The following CNTN3 variants were observed in gnomAD, a reference collection of about 807,000 sequenced individuals.
CNTN3 encodes the protein contactin 3.
A neutral mutation model predicts 119.1 loss-of-function variants in CNTN3; 60 were observed. That is an observed-to-expected ratio of 0.50 (90% CI 0.41 to 0.62). CNTN3 has a LOEUF of 0.62. Ranked by LOEUF, CNTN3 falls within the 20% of genes least tolerant of loss-of-function variation. CNTN3 has a pLI of 0.00. For synonymous variants in CNTN3, 450 were observed against 438.7 expected, an observed-to-expected ratio of 1.03 and a Z score of -0.32; for missense variants, 1,101 against 1,242.4, an observed-to-expected ratio of 0.89 and a Z score of 1.71.
intron 3 of CNTN3, among the ~76,000 whole-genome samples, chr3:74,497,298 T>C (rs1451479710): frequency 6.6e-6 from 1 of 151,904 alleles, no homozygotes; most frequent in Admixed American, 6.6e-5. Flanking sequence ...ATGTGAAATA[T>C]TGCCTAGCTG....
intron 20 of CNTN3, among the ~76,000 whole-genome samples, chr3:74,282,981 G>A (rs181999091): frequency 1.3e-5 from 2 of 152,170 alleles, no homozygotes; most frequent in East Asian, 1.9e-4. Context: ...TTGAATAATA[G>A]CAGAACATTG....
chr3:74,370,078 C>A, intron 6 of CNTN3, 87 bp from the exon 7 acceptor site: 1 of 702,320 alleles, frequency 1.4e-6, no homozygotes. Context: ...CTTTTGCTCC[C>A]ATTTTGAACC....
chr3:74,600,337 C>T (rs1184163793), intron 1 of CNTN3, among the ~76,000 whole-genome samples: 4 of 152,050 alleles, frequency 2.6e-5, no homozygotes, highest in African/African-American at 9.7e-5. Flanking sequence ...AGTTCACTCA[C>T]AATCACTACG....
chr3:74,520,757 C>T (rs557285882), intron 2 of CNTN3, among the ~76,000 whole-genome samples: 1 of 151,284 alleles, frequency 6.6e-6, no homozygotes, highest in Non-Finnish European at 1.5e-5. Context: ...AAAAAAATGT[C>T]ACAAATTAAC....
intron 11 of CNTN3, among the ~76,000 whole-genome samples, chr3:74,345,056 G>A (rs1292996380): frequency 6.6e-6 from 1 of 152,118 alleles, no homozygotes; most frequent in Non-Finnish European, 1.5e-5. Context: ...TTCTAGAAGT[G>A]CTTCATTGAC....
chr3:74,541,263 T>A (rs2107147496), intron 1 of CNTN3, among the ~76,000 whole-genome samples: 1 of 152,302 alleles, frequency 6.6e-6, no homozygotes. Flanking sequence ...TGAGAGAAAC[T>A]CTTGCCCTTT....
intron 19 of CNTN3, among the ~76,000 whole-genome samples, chr3:74,294,886 A>G (rs1702307112): frequency 6.6e-6 from 1 of 152,182 alleles, no homozygotes. Flanking sequence ...GGCCCACGTG[A>G]TACGTGATTT....
chr3:74,495,631 G>A (rs1049611525), intron 3 of CNTN3, among the ~76,000 whole-genome samples: 10 of 151,828 alleles, frequency 6.6e-5, no homozygotes, highest in African/African-American at 2.4e-4. Context: ...GCAGAATTTA[G>A]CACATTATTT....
chr3:74,305,906 CA>C (rs1186007154), intron 13 of CNTN3, among the ~76,000 whole-genome samples: 2 of 151,668 alleles, frequency 1.3e-5, no homozygotes, highest in African/African-American at 4.8e-5. Flanking sequence ...CCTAAATGCT[CA>C]GCTTTCAATA....
intron 4 of CNTN3, among the ~76,000 whole-genome samples, chr3:74,456,484 T>C (rs922669459): frequency 8.5e-5 from 13 of 152,066 alleles, no homozygotes; most frequent in African/African-American, 3.1e-4. Context: ...TGAAAAATGA[T>C]GTGTTTATTT....
chr3:74,545,920 C>T (rs1365916146), intron 1 of CNTN3, among the ~76,000 whole-genome samples: 1 of 152,152 alleles, frequency 6.6e-6, no homozygotes, highest in Non-Finnish European at 1.5e-5. Flanking sequence ...TGCTCCTTGA[C>T]ATTCAACCAC....
At chr3:74,516,810 TA>T (rs1703458331) in intron 2 of CNTN3, among the ~76,000 whole-genome samples, 1 of 143,892 alleles carries the variant, frequency 6.9e-6, no homozygotes, top group Admixed American at 6.8e-5. Context: ...AACATAGTAA[TA>T]GCTTAAAACA....
intron 4 of CNTN3, 50 bp downstream of exon 4, chr3:74,486,406 T>G (rs1575772943): frequency 6.7e-7 from 1 of 1,499,464 alleles, no homozygotes; most frequent in African/African-American, 1.4e-5. Context: ...ACAAATTAAG[T>G]TACATATTTT....
intron 1 of CNTN3, among the ~76,000 whole-genome samples, chr3:74,573,926 A>G (rs1704373373): frequency 6.6e-6 from 1 of 152,156 alleles, no homozygotes; most frequent in African/African-American, 2.4e-5. Context: ...TTACTATGTG[A>G]CCAAGCAGTC....
intron 4 of CNTN3, among the ~76,000 whole-genome samples, chr3:74,433,527 T>G (rs540632280): frequency 6.6e-6 from 1 of 152,294 alleles, no homozygotes; most frequent in South Asian, 2.1e-4. Flanking sequence ...GGATCTGTTG[T>G]TTTGTTCTGA....
At chr3:74,505,259 G>A (rs1267192554) in intron 2 of CNTN3, among the ~76,000 whole-genome samples, 1 of 151,974 alleles carries the variant, frequency 6.6e-6, no homozygotes, top group African/African-American at 2.4e-5. Context: ...GTAGCAGCAC[G>A]ATTCAACCTT....
At chr3:74,548,626 T>C (rs1703947060) in intron 1 of CNTN3, among the ~76,000 whole-genome samples, 1 of 152,056 alleles carries the variant, frequency 6.6e-6, no homozygotes, top group Non-Finnish European at 1.5e-5. Flanking sequence ...CGCCAATAGG[T>C]TCTTGAAAAC....
intron 5 of CNTN3, among the ~76,000 whole-genome samples, chr3:74,385,696 G>A (rs1408303795): frequency 6.6e-6 from 1 of 152,164 alleles, no homozygotes; most frequent in East Asian, 1.9e-4. Flanking sequence ...AATTCTTTGG[G>A]GTCTGTGGAA....
At chr3:74,527,912 G>C (rs1183321041) in intron 1 of CNTN3, among the ~76,000 whole-genome samples, 11 of 151,932 alleles carry the variant, frequency 7.2e-5, no homozygotes, top group Non-Finnish European at 1.5e-5. Flanking sequence ...ATCCCTGAAG[G>C]AGAACAGCAC....
Sources: gnomAD v4.1 joint callset for allele counts (sites outside exome capture counted in the v4.1 genomes callset) on GRCh38, gnomAD v4.1.1 for gene constraint, MANE v1.5 for transcripts, NCBI Gene and HGNC (gene_info 2026-07-23, HGNC 2026-07-21) for gene names.